Variants in VWCE observed in about 807,000 individuals in gnomAD.
VWCE encodes the protein von Willebrand factor C and EGF domains.
Under a neutral mutation model 102.9 loss-of-function variants are expected in VWCE, and 68 were observed. That is an observed-to-expected ratio of 0.66 (90% CI 0.54 to 0.81). The LOEUF is 0.81. VWCE is among the 30% of genes least tolerant of loss of function. The pLI is 0.00. For synonymous variants in VWCE, 497 were observed against 515.4 expected, an observed-to-expected ratio of 0.96 and a Z score of 0.48; for missense variants, 1,137 against 1,263.6, an observed-to-expected ratio of 0.90 and a Z score of 1.52.
intron 19 of VWCE, among the ~76,000 whole-genome samples, chr11:61,263,820 G>A (rs1854426237): frequency 6.6e-6 from 1 of 152,150 alleles, no homozygotes; most frequent in Admixed American, 6.6e-5. Context: ...CACCGTGGGT[G>A]CTCAACACAT....
In VWCE at chr11:61,269,660, C is replaced by T. The variant is rs369393453; in HGVS notation, c.1786-642G>A. ...GGGGTTTCACCATGTTGGTCAGGCTCGTCTTGAACTCCTGACCTCAGATGA... is the reference window on the plus strand; with the variant it reads ...GGGGTTTCACCATGTTGGTCAGGCTTGTCTTGAACTCCTGACCTCAGATGA... On this transcript the variant is annotated intron_variant, in intron 14 of 19. Coordinates refer to ENST00000335613, the MANE Select transcript of VWCE (RefSeq NM_152718.2). Among the ~76,000 whole-genome samples the T allele has an allele frequency of 9.2e-5, 14 of 151,842 alleles. No homozygotes were observed. The East Asian group carries it at 2.2e-3, about 23-fold the overall frequency.
At position 61,294,248 on chromosome 11, in the gene VWCE, CGG is replaced by C. The variant is rs1855604085; in HGVS notation, c.110+678_110+679del. On this transcript the variant is annotated intron_variant, in intron 1 of 19. Transcript: ENST00000335613. The surrounding 1 kb of genome is among the most constrained non-coding windows in gnomAD (Gnocchi z 6.3). ...CACACGTGTGAGCTACAAGCCTGGC[CGG>C]GCCGCCCCCGCTGCGCGCCCCCCGG... Among the ~76,000 whole-genome samples the C allele has an allele frequency of 1.3e-5, 2 of 152,282 alleles. No individual in the cohort carries two copies. The highest frequency in any genetic ancestry group is 4.1e-4 in the South Asian group (2 of 4,828).
At chr11:61,270,210 C>T (rs1038075971) in intron 14 of VWCE, among the ~76,000 whole-genome samples, 2 of 152,222 alleles carry the variant, frequency 1.3e-5, no homozygotes, top group African/African-American at 2.4e-5. Context: ...TGAGCCACCG[C>T]GCCCGGCCCA....
intron 15 of VWCE, 63 bp from the exon 16 acceptor site, chr11:61,267,607 G>GT: frequency 1.3e-6 from 2 of 1,521,834 alleles, no homozygotes; most frequent in Non-Finnish European, 1.8e-6. Context: ...CTTCCCGCCA[G>GT]GGCCAAGGTC....
At chr11:61,271,331 G>A (rs1441364862) in intron 14 of VWCE, 1 of 234,984 alleles carries the variant, frequency 4.3e-6, no homozygotes, top group African/African-American at 2.2e-5. Flanking sequence ...ATTTTTAGTA[G>A]AGACAGGGTT....
intron 19 of VWCE, among the ~76,000 whole-genome samples, chr11:61,260,124 G>A (rs534659379): frequency 1.6e-4 from 25 of 152,232 alleles, no homozygotes; most frequent in South Asian, 1.2e-3. Context: ...ACGTGGTGGC[G>A]CGTGCCTGTA....
rs556052627 is a variant in VWCE at position 61,294,933 on chromosome 11, G to A, written c.105C>T (p.Ala35=). ...TGRKPPGHFA[A]ERRRLGPHVC... ...GAGGAGCTCCGGGCGCTTACCTCTCGGCCGCGAAGTGCCCGGGCGGCTTCC... is the reference window on the plus strand; with the variant it reads ...GAGGAGCTCCGGGCGCTTACCTCTCAGCCGCGAAGTGCCCGGGCGGCTTCC... Residue 35 remains alanine, a synonymous_variant, in exon 1 of 20, where the codon GCC becomes GCT. Transcript: ENST00000335613. The surrounding 1 kb of genome is among the most constrained non-coding windows in gnomAD (Gnocchi z 6.3). 1.4e-6 allele frequency: 2 copies of A among 1,434,172 alleles called. No homozygotes were observed. Among genetic ancestry groups the A allele is most frequent in the Non-Finnish European group, 1.8e-6 (2 of 1,092,124 alleles). 88.8% of individuals were successfully genotyped at this position (1,434,172 alleles called of 1,614,324 possible).
chr11:61,272,390 TAC>T (rs1475690929), intron 13 of VWCE, among the ~76,000 whole-genome samples: 2 of 150,164 alleles, frequency 1.3e-5, no homozygotes, highest in African/African-American at 4.9e-5. Context: ...CATACACACA[TAC>T]AGACATGCAT....
intron 14 of VWCE, among the ~76,000 whole-genome samples, chr11:61,270,518 A>G (rs998614480): frequency 2.6e-5 from 4 of 152,184 alleles, no homozygotes; most frequent in African/African-American, 9.7e-5. Flanking sequence ...ATGGTAAAAA[A>G]CTGCAATTAC....
intron 19 of VWCE, among the ~76,000 whole-genome samples, chr11:61,260,436 G>A (rs1427410810): frequency 6.6e-6 from 1 of 151,672 alleles, no homozygotes; most frequent in Non-Finnish European, 1.5e-5. Flanking sequence ...ACCACACCTG[G>A]CATTCTGTTC....
At position 61,259,323 on chromosome 11, in the gene VWCE, G is replaced by A. The variant is rs532358806; in HGVS notation, c.2231-11C>T. 2.2e-5 allele frequency: 34 copies of A among 1,558,788 alleles called. 1 individual carries two copies. The Admixed American group carries it at 5.2e-4, about 24-fold the overall frequency. On this transcript the variant is annotated splice_polypyrimidine_tract_variant and intron_variant, in intron 19 of 19. Transcript: ENST00000335613. Reference sequence around the variant, plus strand: ...GAGGAGACAGGGAATCTAGAGAGACGAGGGTGAAACGAGATGCACAATGGC... The same window carrying A: ...GAGGAGACAGGGAATCTAGAGAGACAAGGGTGAAACGAGATGCACAATGGC...
Position 61,294,963 on chromosome 11 carries a change from G to C in VWCE, c.75C>G (p.Thr25=), listed in dbSNP as rs935669041. ...LLPGAPARGY[T]GRKPPGHFAA... ...CGAAGTGCCCGGGCGGCTTCCTCCC[G>C]GTGTAGCCTCGGGCTGGTGCCCCCG... The change falls in exon 1 of 20, where the codon ACC becomes ACG. Residue 25 remains threonine (T), a synonymous_variant. Transcript: ENST00000335613. The surrounding 1 kb of genome is among the most constrained non-coding windows in gnomAD (Gnocchi z 6.3). The C allele has an allele frequency of 6.8e-7, 1 of 1,464,198 alleles. No homozygotes were observed. Among genetic ancestry groups the C allele is most frequent in the Non-Finnish European group, 9.0e-7 (1 of 1,107,690 alleles). 90.7% of individuals were successfully genotyped at this position (1,464,198 alleles called of 1,614,324 possible).
At chr11:61,264,672 C>A in intron 18 of VWCE, 95 bp from the exon 19 acceptor site, 1 of 1,330,818 alleles carries the variant, frequency 7.5e-7, no homozygotes, top group Non-Finnish European at 1.1e-6. Context: ...CAGCAGGACC[C>A]ACGGAAAGAT....
chr11:61,288,333 C>T (rs890892788), intron 4 of VWCE, among the ~76,000 whole-genome samples: 7 of 152,084 alleles, frequency 4.6e-5, no homozygotes, highest in African/African-American at 1.7e-4. Context: ...TCCGCAGCAG[C>T]TTCTGAGGAC....
chr11:61,291,228 A>T (rs756924107), intron 3 of VWCE, 36 bp downstream of exon 3: 7 of 1,521,966 alleles, frequency 4.6e-6, no homozygotes. Context: ...ATGCTCATTC[A>T]TCTGTTCCCA....
chr11:61,291,858 C>A (rs554560393), intron 1 of VWCE, among the ~76,000 whole-genome samples: 58 of 152,366 alleles, frequency 3.8e-4, no homozygotes, highest in African/African-American at 1.3e-3. Context: ...TGAAGAAAGG[C>A]TGTGCAATAG....
chr11:61,261,759 C>G (rs1246958472), intron 19 of VWCE, among the ~76,000 whole-genome samples: 1 of 149,966 alleles, frequency 6.7e-6, no homozygotes, highest in Admixed American at 6.7e-5. Context: ...GAGCTGTGAT[C>G]GCACCACTGC....
chr11:61,279,054 A>G (rs1311898928), intron 9 of VWCE, among the ~76,000 whole-genome samples: 4 of 151,462 alleles, frequency 2.6e-5, no homozygotes, highest in Non-Finnish European at 2.9e-5. Flanking sequence ...AAACAAAAAA[A>G]CAAAAACAAA....
intron 7 of VWCE, among the ~76,000 whole-genome samples, chr11:61,281,509 A>C (rs1273247467): frequency 6.6e-6 from 1 of 152,254 alleles, no homozygotes; most frequent in Non-Finnish European, 1.5e-5. Flanking sequence ...CAGTGAAAAG[A>C]AGAAGGAAGA....
Sources: allele counts gnomAD v4.1 joint callset (sites outside exome capture counted in the v4.1 genomes callset), GRCh38; gene constraint gnomAD v4.1.1; non-coding constraint Gnocchi (gnomAD v3.1); transcripts MANE v1.5; gene names NCBI Gene and HGNC (gene_info 2026-07-23, HGNC 2026-07-21).